SGCZ: variants seen among roughly 807,000 people sequenced by gnomAD.
SGCZ encodes sarcoglycan zeta.
A neutral mutation model predicts 41.3 loss-of-function variants in SGCZ; 40 were observed. The ratio of observed to expected loss-of-function variants is 0.97; its 90% CI spans 0.75 to 1.26. The LOEUF is 1.26. SGCZ is among the 50% of genes most tolerant of loss of function. SGCZ has a pLI of 0.00. For missense variants in SGCZ, 552 were observed against 369.8 expected (o/e 1.49, Z -4.04); for synonymous variants, 206 against 137.5 (o/e 1.50, Z -3.49).
At chr8:15,214,320 T>G (rs1270951246) in intron 1 of SGCZ, among the ~76,000 whole-genome samples, 1 of 152,154 alleles carries the variant, frequency 6.6e-6, no homozygotes, top group African/African-American at 2.4e-5. Context: ...CTGAAAAGCA[T>G]ACAAATATAT....
intron 5 of SGCZ, among the ~76,000 whole-genome samples, chr8:14,152,800 T>G (rs1381485959): frequency 6.6e-6 from 1 of 152,094 alleles, no homozygotes; most frequent in East Asian, 1.9e-4. Flanking sequence ...GGATGAATAA[T>G]TAAATAAACT....
chr8:14,390,527 G>T (rs1585441488), intron 2 of SGCZ, among the ~76,000 whole-genome samples: 1 of 151,706 alleles, frequency 6.6e-6, no homozygotes, highest in Non-Finnish European at 1.5e-5. Context: ...AAATTTACAT[G>T]AAAGTTCAAA....
chr8:14,648,566 T>C (rs1029630870), intron 1 of SGCZ, among the ~76,000 whole-genome samples: 2 of 152,156 alleles, frequency 1.3e-5, no homozygotes, highest in Non-Finnish European at 2.9e-5. Flanking sequence ...GAATTCCTTA[T>C]GCAGCACTGG....
At chr8:14,835,710 C>G (rs1382832387) in intron 1 of SGCZ, among the ~76,000 whole-genome samples, 1 of 152,216 alleles carries the variant, frequency 6.6e-6, no homozygotes, top group East Asian at 1.9e-4. Flanking sequence ...GGCCTAACAA[C>G]AGAAGCACAG....
intron 1 of SGCZ, among the ~76,000 whole-genome samples, chr8:14,769,412 A>G (rs1585244714): frequency 1.3e-5 from 2 of 152,230 alleles, no homozygotes; most frequent in South Asian, 2.1e-4. Context: ...AAAAAAGTTC[A>G]AAGACCAACA....
intron 2 of SGCZ, among the ~76,000 whole-genome samples, chr8:14,471,610 T>C (rs1401633017): frequency 6.6e-6 from 1 of 152,050 alleles, no homozygotes; most frequent in Non-Finnish European, 1.5e-5. Flanking sequence ...CTATAATTAT[T>C]ACCAACTCCC....
intron 1 of SGCZ, among the ~76,000 whole-genome samples, chr8:15,196,909 G>A (rs938506624): frequency 2.0e-5 from 3 of 152,208 alleles, no homozygotes; most frequent in African/African-American, 7.2e-5. Context: ...TTGGCAGCTG[G>A]AGCCCGTATG....
intron 1 of SGCZ, among the ~76,000 whole-genome samples, chr8:14,725,793 A>G (rs2130207575): frequency 6.6e-6 from 1 of 152,324 alleles, no homozygotes; most frequent in South Asian, 2.1e-4. Context: ...ATTAAAAAGA[A>G]GATTGAAATA....
chr8:14,404,313 A>C (rs554380173), intron 2 of SGCZ, among the ~76,000 whole-genome samples: 1 of 152,320 alleles, frequency 6.6e-6, no homozygotes, highest in South Asian at 2.1e-4. Flanking sequence ...TAAATTACTT[A>C]ATAAATGCCA....
chr8:14,433,567 A>C (rs1378624688), intron 2 of SGCZ, among the ~76,000 whole-genome samples: 3 of 152,172 alleles, frequency 2.0e-5, no homozygotes, highest in Non-Finnish European at 4.4e-5. Flanking sequence ...CCCCAAACTA[A>C]TCTGCCATTA....
intron 1 of SGCZ, among the ~76,000 whole-genome samples, chr8:14,829,967 C>T (rs756096689): frequency 2.0e-5 from 3 of 152,126 alleles, no homozygotes; most frequent in East Asian, 1.9e-4. Flanking sequence ...GACTGCACCA[C>T]GCCCGGCTAA....
At chr8:14,423,510 G>A (rs914647733) in intron 2 of SGCZ, among the ~76,000 whole-genome samples, 13 of 152,048 alleles carry the variant, frequency 8.5e-5, no homozygotes, top group Admixed American at 3.3e-4. Flanking sequence ...TCCGCCTCCC[G>A]GGTTCAAGTG....
At chr8:14,765,840 T>C (rs1281704066) in intron 1 of SGCZ, among the ~76,000 whole-genome samples, 2 of 152,026 alleles carry the variant, frequency 1.3e-5, no homozygotes, top group Non-Finnish European at 2.9e-5. Context: ...TAAATCGTAG[T>C]AAAAAAATAA....
intron 1 of SGCZ, among the ~76,000 whole-genome samples, chr8:14,952,894 G>C (rs560432418): frequency 1.3e-5 from 2 of 152,228 alleles, no homozygotes; most frequent in African/African-American, 4.8e-5. Context: ...AACCATTCTG[G>C]AGAAAACAGA....
intron 1 of SGCZ, among the ~76,000 whole-genome samples, chr8:14,636,889 G>A (rs1192591676): frequency 2.6e-5 from 4 of 151,874 alleles, no homozygotes; most frequent in Middle Eastern, 3.4e-3. Context: ...TGATGGAAAT[G>A]TTTTATTACT....
At chr8:14,627,021 G>C (rs997873182) in intron 1 of SGCZ, among the ~76,000 whole-genome samples, 4 of 152,038 alleles carry the variant, frequency 2.6e-5, no homozygotes, top group African/African-American at 7.2e-5. Flanking sequence ...CCAAATAATA[G>C]GTCTCATTCT....
chr8:15,070,690 T>G (rs535413665), intron 1 of SGCZ, among the ~76,000 whole-genome samples: 1 of 152,156 alleles, frequency 6.6e-6, no homozygotes, highest in Non-Finnish European at 1.5e-5. Context: ...AGGCTCAGTG[T>G]GATATTTAGA....
At position 14,312,613 on chromosome 8, in the gene SGCZ, T is replaced by G. The variant is rs188462489; in HGVS notation, c.336+11490A>C. Among the ~76,000 whole-genome samples, 564 of 150,574 alleles carry G rather than the reference T, an allele frequency of 3.7e-3. 3 individuals carry two copies. Among genetic ancestry groups the G allele is most frequent in the African/African-American group, 0.014 (552 of 40,830 alleles). ...CCACTGCACTCTAGCCTAGACAACA[T>G]AGCTAGACTCTGTCTCCACAGAAAG... On this transcript the variant is annotated intron_variant, in intron 3 of 7. Coordinates refer to ENST00000382080, the MANE Select transcript of SGCZ (RefSeq NM_139167.4).
At chr8:14,390,988 G>A (rs75918104) in intron 2 of SGCZ, among the ~76,000 whole-genome samples, 1,919 of 152,098 alleles carry the variant, frequency 0.013, 40 homozygotes, top group African/African-American at 0.042. Flanking sequence ...AAAAAGCATA[G>A]CAAATAAAAT....
Sources: gnomAD v4.1 joint callset for allele counts (sites outside exome capture counted in the v4.1 genomes callset) on GRCh38, gnomAD v4.1.1 for gene constraint, MANE v1.5 for transcripts, NCBI Gene and HGNC (gene_info 2026-07-23, HGNC 2026-07-21) for gene names.